Variants in VEGFC observed in about 807,000 individuals in gnomAD.
VEGFC encodes vascular endothelial growth factor C.
Under a neutral mutation model 46.1 loss-of-function variants are expected in VEGFC, and 12 were observed. The ratio of observed to expected loss-of-function variants is 0.26; its 90% CI spans 0.17 to 0.42. The LOEUF (loss-of-function observed/expected upper bound fraction) is 0.42, where lower values mean the gene tolerates loss of function less well. Ranked by LOEUF, VEGFC falls within the 10% of genes least tolerant of loss-of-function variation. The pLI is 1.00. For synonymous variants in VEGFC, 232 were observed against 195.5 expected (o/e 1.19, Z -1.56); for missense variants, 488 against 529.4 (o/e 0.92, Z 0.77).
chr4:176,790,010 G>T (rs1736064099), intron 1 of VEGFC, among the ~76,000 whole-genome samples: 1 of 152,126 alleles, frequency 6.6e-6, no homozygotes, highest in South Asian at 2.1e-4. Flanking sequence ...ATTAACAATT[G>T]ATTTCTCCCC....
intron 3 of VEGFC, among the ~76,000 whole-genome samples, chr4:176,725,633 A>G (rs1031841617): frequency 5.3e-5 from 8 of 152,230 alleles, no homozygotes; most frequent in Non-Finnish European, 1.2e-4. Context: ...ATCAAATACC[A>G]TATTAGGAAT....
intron 1 of VEGFC, among the ~76,000 whole-genome samples, chr4:176,753,440 G>A (rs1438180440): frequency 1.3e-5 from 2 of 152,152 alleles, no homozygotes; most frequent in African/African-American, 4.8e-5. Flanking sequence ...TGGCAGCTAC[G>A]ATGACCCTTT....
intron 1 of VEGFC, among the ~76,000 whole-genome samples, chr4:176,739,214 A>T (rs1406141599): frequency 6.6e-6 from 1 of 151,932 alleles, no homozygotes; most frequent in East Asian, 2.0e-4. Flanking sequence ...GGGAGTATTA[A>T]TTAGTTTAAC....
At chr4:176,698,724 C>T (rs1734370548) in intron 4 of VEGFC, among the ~76,000 whole-genome samples, 1 of 151,954 alleles carries the variant, frequency 6.6e-6, no homozygotes, top group Non-Finnish European at 1.5e-5. Context: ...TGTCCCCCAC[C>T]CCCAAGACCG....
chr4:176,766,411 C>A (rs1041219522), intron 1 of VEGFC, among the ~76,000 whole-genome samples: 1 of 151,946 alleles, frequency 6.6e-6, no homozygotes, highest in Non-Finnish European at 1.5e-5. Flanking sequence ...CATAGTGAAG[C>A]CTTATCTCTA....
intron 3 of VEGFC, among the ~76,000 whole-genome samples, chr4:176,724,200 A>T (rs895820437): frequency 7.9e-5 from 12 of 152,218 alleles, no homozygotes; most frequent in African/African-American, 2.7e-4. Context: ...ATAATCTTCA[A>T]GGCAGCAGTT....
chr4:176,728,139 T>C (rs1342583063), intron 2 of VEGFC, among the ~76,000 whole-genome samples, 171 bp from the exon 3 acceptor site: 2 of 152,186 alleles, frequency 1.3e-5, no homozygotes, highest in African/African-American at 4.8e-5. Context: ...GAGAATGATA[T>C]AACATTGAAA....
chr4:176,719,843 T>C (rs1200741208), intron 3 of VEGFC, among the ~76,000 whole-genome samples: 1 of 152,060 alleles, frequency 6.6e-6, no homozygotes, highest in East Asian at 1.9e-4. Flanking sequence ...AGTGGATCAC[T>C]TGAAGTCAGG....
At chr4:176,691,493 CA>C (rs1734179082) in intron 4 of VEGFC, among the ~76,000 whole-genome samples, 1 of 152,122 alleles carries the variant, frequency 6.6e-6, no homozygotes, top group Admixed American at 6.5e-5. Flanking sequence ...GGCACAACCA[CA>C]ATCCTGCCTA....
At chr4:176,741,361 T>C (rs1175964418) in intron 1 of VEGFC, among the ~76,000 whole-genome samples, 1 of 151,916 alleles carries the variant, frequency 6.6e-6, no homozygotes, top group Non-Finnish European at 1.5e-5. Flanking sequence ...TCAACATTGA[T>C]GAAAATTATA....
chr4:176,697,531 TTGG>T (rs2110981022), intron 4 of VEGFC, among the ~76,000 whole-genome samples: 1 of 150,070 alleles, frequency 6.7e-6, no homozygotes, highest in Admixed American at 6.6e-5. Flanking sequence ...TTTTACACTG[TTGG>T]TGGGACTGTA....
chr4:176,726,255 GT>G (rs1734871812), intron 3 of VEGFC, among the ~76,000 whole-genome samples: 1 of 152,108 alleles, frequency 6.6e-6, no homozygotes, highest in Admixed American at 6.6e-5. Context: ...GCAGGACTAT[GT>G]TTAGAGTCAC....
chr4:176,777,589 A>G (rs2110938209), intron 1 of VEGFC, among the ~76,000 whole-genome samples: 1 of 152,272 alleles, frequency 6.6e-6, no homozygotes, highest in East Asian at 1.9e-4. Context: ...ATAATAAACA[A>G]ATATTATGAA....
chr4:176,765,638 C>A (rs963979357), intron 1 of VEGFC, among the ~76,000 whole-genome samples: 2 of 150,790 alleles, frequency 1.3e-5, no homozygotes, highest in East Asian at 3.9e-4. Context: ...TCACTGTAAC[C>A]TCCGCCTCCT....
At chr4:176,728,830 A>G (rs528734351) in intron 2 of VEGFC, among the ~76,000 whole-genome samples, 1 of 152,324 alleles carries the variant, frequency 6.6e-6, no homozygotes, top group South Asian at 2.1e-4. Context: ...AAGAGCTACC[A>G]ACTGAAGGCA....
At chr4:176,730,566 T>C (rs1232455578) in intron 1 of VEGFC, among the ~76,000 whole-genome samples, 1 of 152,128 alleles carries the variant, frequency 6.6e-6, no homozygotes, top group African/African-American at 2.4e-5. Context: ...TTGTCATGAT[T>C]ATCCCAGCTT....
At chr4:176,706,601 G>C (rs935567606) in intron 4 of VEGFC, among the ~76,000 whole-genome samples, 1 of 135,714 alleles carries the variant, frequency 7.4e-6, no homozygotes, top group Non-Finnish European at 1.5e-5. Flanking sequence ...ACTCCAGCCT[G>C]GGTGATAGAG....
At chr4:176,730,639 G>C (rs1393735014) in intron 1 of VEGFC, among the ~76,000 whole-genome samples, 4 of 151,996 alleles carry the variant, frequency 2.6e-5, no homozygotes, top group African/African-American at 7.2e-5. Context: ...TCGAATAAGA[G>C]TCAATGAACT....
chr4:176,696,349 CAG>C (rs1287817717), intron 4 of VEGFC, among the ~76,000 whole-genome samples: 1 of 151,408 alleles, frequency 6.6e-6, no homozygotes, highest in Admixed American at 6.6e-5. Flanking sequence ...AACAGACAAA[CAG>C]AGAGCCAAAT....
Sources: gnomAD v4.1 joint callset for allele counts (sites outside exome capture counted in the v4.1 genomes callset) on GRCh38, gnomAD v4.1.1 for gene constraint, MANE v1.5 for transcripts, NCBI Gene and HGNC (gene_info 2026-07-23, HGNC 2026-07-21) for gene names.